CHRM3: variants seen among roughly 807,000 people sequenced by gnomAD.
CHRM3 encodes muscarinic acetylcholine receptor M3.
CHRM3 carries 11 observed loss-of-function variants against 41.8 expected under a neutral mutation model. The observed-to-expected ratio is 0.26, with a 90% confidence interval of 0.17 to 0.44. The LOEUF is 0.44. CHRM3 is among the 20% of genes least tolerant of loss of function. CHRM3 has a pLI of 1.00. For synonymous variants in CHRM3, 297 were observed against 301.4 expected, an observed-to-expected ratio of 0.99 and a Z score of 0.15; for missense variants, 571 against 745.4, an observed-to-expected ratio of 0.77 and a Z score of 2.72.
At chr1:239,572,419 G>C (rs1310705824) in intron 3 of CHRM3, among the ~76,000 whole-genome samples, 1 of 152,182 alleles carries the variant, frequency 6.6e-6, no homozygotes, top group Non-Finnish European at 1.5e-5. Context: ...CTGTATGTTA[G>C]TAAATTTTTT....
At chr1:239,859,133 G>A (rs1242283470) in intron 6 of CHRM3, among the ~76,000 whole-genome samples, 2 of 152,128 alleles carry the variant, frequency 1.3e-5, no homozygotes, top group Non-Finnish European at 2.9e-5. Context: ...TGGGTCATGT[G>A]GTAATTCTAC....
chr1:239,591,846 T>A (rs1174475033), intron 3 of CHRM3, among the ~76,000 whole-genome samples: 5 of 152,160 alleles, frequency 3.3e-5, no homozygotes, highest in Non-Finnish European at 5.9e-5. Context: ...ATTTTGTTTA[T>A]TTTTATAAGG....
At chr1:239,582,901 T>C (rs1663032588) in intron 3 of CHRM3, among the ~76,000 whole-genome samples, 1 of 152,318 alleles carries the variant, frequency 6.6e-6, no homozygotes, top group South Asian at 2.1e-4. Context: ...TGAGACACTC[T>C]CTGATCTGGT....
intron 5 of CHRM3, among the ~76,000 whole-genome samples, chr1:239,801,578 G>C (rs1670216144): frequency 1.3e-5 from 2 of 152,248 alleles, no homozygotes; most frequent in Admixed American, 1.3e-4. Context: ...CTAAGCCATG[G>C]TTCTAGGCTC....
At chr1:239,693,040 T>A (rs1193071613) in intron 5 of CHRM3, among the ~76,000 whole-genome samples, 1 of 152,188 alleles carries the variant, frequency 6.6e-6, no homozygotes, top group Non-Finnish European at 1.5e-5. Flanking sequence ...CCAGATCACG[T>A]GCAGTGTTTG....
At chr1:239,845,655 A>G (rs1347726619) in intron 6 of CHRM3, among the ~76,000 whole-genome samples, 1 of 152,234 alleles carries the variant, frequency 6.6e-6, no homozygotes, top group Non-Finnish European at 1.5e-5. Context: ...TGAAAAAGTC[A>G]TAATTTTATT....
intron 6 of CHRM3, among the ~76,000 whole-genome samples, chr1:239,877,371 C>A (rs1290655990): frequency 6.6e-6 from 1 of 151,552 alleles, no homozygotes; most frequent in East Asian, 1.9e-4. Flanking sequence ...CACTTGAGGC[C>A]AGAAGTTCAA....
chr1:239,621,508 T>A (rs1668359623), intron 3 of CHRM3, among the ~76,000 whole-genome samples: 1 of 152,150 alleles, frequency 6.6e-6, no homozygotes, highest in South Asian at 2.1e-4. Context: ...AAGGAAAAGT[T>A]CATGAAGGAA....
intron 1 of CHRM3, among the ~76,000 whole-genome samples, chr1:239,487,256 A>G (rs1667237067): frequency 6.6e-6 from 1 of 152,158 alleles, no homozygotes; most frequent in South Asian, 2.1e-4. Context: ...AACCCCTAAT[A>G]AAAATATTAT....
At chr1:239,839,092 G>A (rs985474739) in intron 6 of CHRM3, among the ~76,000 whole-genome samples, 1 of 152,016 alleles carries the variant, frequency 6.6e-6, no homozygotes, top group Non-Finnish European at 1.5e-5. Flanking sequence ...GGCCCTTCAG[G>A]GCCCTTTCAA....
At chr1:239,859,557 G>A (rs929794463) in intron 6 of CHRM3, among the ~76,000 whole-genome samples, 7 of 151,238 alleles carry the variant, frequency 4.6e-5, no homozygotes, top group African/African-American at 1.5e-4. Context: ...TGGGATTACA[G>A]GCATGCACTA....
In CHRM3 at chr1:239,419,362, C is replaced by CTT. The variant is rs55633677; in HGVS notation, c.-521+32151_-521+32152dup. Among the ~76,000 whole-genome samples, 312 of 136,576 alleles carry CTT rather than the reference C, an allele frequency of 2.3e-3. 1 individual carries two copies. The highest frequency in any genetic ancestry group is 7.8e-3 in the African/African-American group (291 of 37,280). The allele number at this position is 136,576 out of a possible 152,430, so 89.6% of individuals were successfully genotyped here. A position where few individuals can be genotyped will look rare whatever the true frequency, so the allele number is the denominator to read the frequency against. ...TTTATTACTAACAGGCCGACCCAGC[C>CTT]TTTTTTTTTTTTTTTTTAAACAGAT... On this transcript the variant is annotated intron_variant, in intron 1 of 6. Coordinates refer to ENST00000676153, the MANE Select transcript of CHRM3 (RefSeq NM_001375978.1).
At chr1:239,866,002 T>G (rs1335577299) in intron 6 of CHRM3, among the ~76,000 whole-genome samples, 1 of 152,064 alleles carries the variant, frequency 6.6e-6, no homozygotes, top group Non-Finnish European at 1.5e-5. Context: ...CCTGATTTAA[T>G]CCTGGCAACA....
rs115685675 is a variant in CHRM3 at position 239,421,464 on chromosome 1, T to C, written c.-521+34237T>C. 6.3e-3 allele frequency among the ~76,000 whole-genome samples: 964 copies of C among 152,326 alleles called. 5 individuals are homozygous for C. The highest frequency in any genetic ancestry group is 0.022 in the African/African-American group (923 of 41,568). ...TGTTTTTATAAGGTTTACTGTGTTT[T>C]TTGTTAATAAATATTTATCACATAA... On this transcript the variant is annotated intron_variant, in intron 1 of 6. Coordinates refer to ENST00000676153, the MANE Select transcript of CHRM3 (RefSeq NM_001375978.1).
chr1:239,478,066 A>C (rs376640176), intron 1 of CHRM3, among the ~76,000 whole-genome samples: 2 of 152,168 alleles, frequency 1.3e-5, no homozygotes, highest in South Asian at 2.1e-4. Context: ...CAAGTTTATA[A>C]AGCAATTAAA....
intron 3 of CHRM3, among the ~76,000 whole-genome samples, chr1:239,582,728 G>A (rs935237044): frequency 3.3e-5 from 5 of 152,052 alleles, no homozygotes; most frequent in African/African-American, 4.8e-5. Flanking sequence ...CTAAAACAGC[G>A]TAATAACTGG....
intron 3 of CHRM3, among the ~76,000 whole-genome samples, chr1:239,568,728 A>G (rs1194455448): frequency 1.3e-5 from 2 of 151,950 alleles, no homozygotes; most frequent in Non-Finnish European, 2.9e-5. Context: ...CTCTTCTTCC[A>G]TCATCCATTC....
At chr1:239,404,420 AAGAAAGAAAGAAAG>A (rs1660359059) in intron 1 of CHRM3, among the ~76,000 whole-genome samples, 14 of 93,744 alleles carry the variant, frequency 1.5e-4, no homozygotes, top group South Asian at 3.8e-4. Flanking sequence ...AAAAGAAAGA[AAGAAAGAAAGAAAG>A]AAAGAAAGAA....
intron 2 of CHRM3, among the ~76,000 whole-genome samples, chr1:239,535,290 A>G (rs1188408477): frequency 1.3e-5 from 2 of 151,992 alleles, no homozygotes; most frequent in African/African-American, 4.8e-5. Context: ...TTCCTCTAAT[A>G]AAAGGTTAAT....
Sources: allele counts gnomAD v4.1 joint callset (sites outside exome capture counted in the v4.1 genomes callset), GRCh38; gene constraint gnomAD v4.1.1; transcripts MANE v1.5; gene names NCBI Gene and HGNC (gene_info 2026-07-23, HGNC 2026-07-21).